CDAN1: variants seen among roughly 807,000 people sequenced by gnomAD.
CDAN1 encodes the protein codanin-1.
Under a neutral mutation model 139.8 loss-of-function variants are expected in CDAN1, and 107 were observed. The observed-to-expected ratio is 0.77, with a 90% CI of 0.65 to 0.90. CDAN1 has a LOEUF of 0.90. CDAN1 is among the 40% of genes least tolerant of loss of function. The pLI is 0.00. For synonymous variants in CDAN1, 776 were observed against 660.6 expected, an observed-to-expected ratio of 1.17 and a Z score of -2.68; for missense variants, 1,667 against 1,575.7, an observed-to-expected ratio of 1.06 and a Z score of -0.98.
rs756449578 is a variant in CDAN1, at chr15:42,728,239, C to A, written c.2833G>T (p.Val945Leu). 44 of 1,613,874 alleles carry A rather than the reference C, an allele frequency of 2.7e-5. No individual in the cohort carries two copies. The highest frequency in any genetic ancestry group is 3.5e-5 in the Non-Finnish European group (41 of 1,180,024). The change falls in exon 21 of 28, where the codon GTG becomes TTG. Residue 945 changes from valine to leucine, a missense_variant. Val to Leu is a conservative substitution (Grantham distance 32, BLOSUM62 1). This residue lies in a region of CDAN1 where 936 missense variants were observed against 844.1 expected (regional missense o/e 1.11). Coordinates refer to ENST00000356231, the MANE Select transcript of CDAN1 (RefSeq NM_138477.4). ...GTCTCCTCTGGAAGCAGCGCCCGCA[C>A]AGCCCCAGGGCTCTTCCTTTGACAG... Reference protein sequence around the residue: ...EFCQRKSPGAVRALLPEETPA... With the variant: ...EFCQRKSPGALRALLPEETPA...
At chr15:42,724,664 C>G (rs1363114938) in intron 27 of CDAN1, 48 bp from the exon 28 acceptor site, 1 of 1,547,632 alleles carries the variant, frequency 6.5e-7, no homozygotes. Flanking sequence ...TAATAATTCT[C>G]AATGGCTCAT....
intron 22 of CDAN1, 24 bp downstream of exon 22, chr15:42,727,931 C>G: frequency 6.2e-7 from 1 of 1,610,976 alleles, no homozygotes. Flanking sequence ...CTTGATTCAG[C>G]CACTCCCCCA....
chr15:42,733,818 T>TG, intron 8 of CDAN1, 120 bp downstream of exon 8: 1 of 756,060 alleles, frequency 1.3e-6, no homozygotes, highest in South Asian at 1.5e-5. Flanking sequence ...AGGAAGGACC[T>TG]GGGGGGACTA....
chr15:42,729,962 G>C lies in CDAN1; in HGVS notation c.2263-77C>G. The C allele has an allele frequency of 5.1e-6, 6 of 1,179,478 alleles. No homozygotes were observed. In the South Asian group the frequency reaches 7.7e-5, roughly 15 times the overall value. The allele number at this position is 1,179,478 out of a possible 1,614,324, so 73.1% of individuals were successfully genotyped here. On this transcript the variant is annotated intron_variant, in intron 15 of 27. Transcript: ENST00000356231. ...ACCCCACCTCCTGCACGGTCCCAGG[G>C]TGTAGGCGCCAGCTTCAAAGCAGCC... is the stretch of plus-strand genomic sequence containing the variant.
chr15:42,736,810 G>C (rs1165890872), intron 1 of CDAN1, 30 bp from the exon 2 acceptor site: 1 of 1,499,062 alleles, frequency 6.7e-7, no homozygotes, highest in South Asian at 1.3e-5. Flanking sequence ...GGAGGGGCGA[G>C]AGGGTCAGCC....
At chr15:42,724,708 A>ATAT (rs1462813252) in intron 27 of CDAN1, 92 bp from the exon 28 acceptor site, 1 of 1,479,838 alleles carries the variant, frequency 6.8e-7, no homozygotes, top group African/African-American at 1.4e-5. Context: ...CTGGCTGGCT[A>ATAT]TATTATTTTT....
At position 42,724,390 on chromosome 15, in the gene CDAN1, C is replaced by T; in HGVS notation, c.*101G>A. ...GGAAGTCTGACTGTAGACCCAGCTA[C>T]ACCCCAACCAGTGAGGGTCTGCATT... On this transcript the variant is annotated 3_prime_UTR_variant, in exon 28 of 28. Transcript: ENST00000356231. 1.4e-6 allele frequency: 2 copies of T among 1,476,176 alleles called. No homozygotes were observed. Among genetic ancestry groups the T allele is most frequent in the Non-Finnish European group, 9.2e-7 (1 of 1,090,424 alleles). 91.4% of individuals were successfully genotyped at this position (1,476,176 alleles called of 1,614,324 possible). A position where few individuals can be genotyped will look rare whatever the true frequency, so the allele number is the denominator to read the frequency against.
Position 42,732,324 on chromosome 15 carries a change from G to C in CDAN1, c.1533+9C>G. 1 of 1,613,388 alleles carries C rather than the reference G, an allele frequency of 6.2e-7. No individual in the cohort carries two copies. The highest frequency in any genetic ancestry group is 8.5e-7 in the Non-Finnish European group (1 of 1,179,340). On this transcript the variant is annotated intron_variant, in intron 10 of 27. Coordinates refer to ENST00000356231, the MANE Select transcript of CDAN1 (RefSeq NM_138477.4). ...TTAATGTGGATTAATCTCTTGCTGG[G>C]GCTGTTACCTGGAGTAGTTGTTTTT... is the stretch of plus-strand genomic sequence containing the variant.
chr15:42,737,060 CCGACACCTCTTCTCGCAGCAG>C lies in CDAN1; in HGVS notation c.22_42del (p.Leu8_Ser14del). 1 of 1,544,512 alleles carries C rather than the reference CCGACACCTCTTCTCGCAGCAG, an allele frequency of 6.5e-7. No individual in the cohort carries two copies. The highest frequency in any genetic ancestry group is 8.7e-7 in the Non-Finnish European group (1 of 1,144,474). On this transcript the variant is annotated inframe_deletion, in exon 1 of 28. Coordinates refer to ENST00000356231, the MANE Select transcript of CDAN1 (RefSeq NM_138477.4). ...GCGATCCACCGCACGACGGCTGCGACCGACACCTCTTCTCGCAGCAGCGACTCCAAAACGGCCGCCATCCCG... is the reference window on the plus strand; with the variant it reads ...GCGATCCACCGCACGACGGCTGCGACCGACTCCAAAACGGCCGCCATCCCG...
intron 8 of CDAN1, among the ~76,000 whole-genome samples, chr15:42,733,643 C>T (rs1403484211): frequency 6.6e-6 from 1 of 152,226 alleles, no homozygotes; most frequent in African/African-American, 2.4e-5. Context: ...ACCAGCAGCA[C>T]ATTACAGGCT....
intron 15 of CDAN1, 68 bp from the exon 16 acceptor site, chr15:42,729,953 G>A (rs1347621197): frequency 5.9e-5 from 51 of 866,046 alleles, no homozygotes; most frequent in Middle Eastern, 4.3e-4. Flanking sequence ...CCTCCTGCAC[G>A]GTCCCAGGGT....
At position 42,724,304 on chromosome 15, in the gene CDAN1, C is replaced by A; in HGVS notation, c.*187G>T. 1.4e-6 allele frequency: 1 copy of A among 727,686 alleles called. No homozygotes were observed. The allele number at this position is 727,686 out of a possible 1,614,324, so 45.1% of individuals were successfully genotyped here. On this transcript the variant is annotated 3_prime_UTR_variant, in exon 28 of 28. Coordinates refer to ENST00000356231, the MANE Select transcript of CDAN1 (RefSeq NM_138477.4). ...TTTTCTGCCATAATCCCAAATCAGG[C>A]CAACTCTCCTTCCTCTAGGATTCGC...
Position 42,729,579 on chromosome 15 carries a change from C to T in CDAN1, c.2396G>A (p.Cys799Tyr). ...AGACCGGTGCTCACCGATGTAGGGG[C>T]AGCAGGTGTAGAGCAGCTGCTGGTC... ...VVDQQLLYTC[C>Y]PYIGELRKLL... Residue 799 changes from cysteine (C) to tyrosine (Y), a missense_variant, in exon 17 of 28, where the codon TGC becomes TAC. Around this residue, in one of 3 missense-constraint regions of CDAN1, gnomAD observed 936 missense variants for 844.1 expected, o/e 1.11. Coordinates refer to ENST00000356231, the MANE Select transcript of CDAN1 (RefSeq NM_138477.4). 6.2e-7 allele frequency: 1 copy of T among 1,614,166 alleles called. No individual in the cohort carries two copies. The highest frequency in any genetic ancestry group is 1.1e-5 in the South Asian group (1 of 91,076).
At chr15:42,728,376 G>A in intron 20 of CDAN1, 109 bp from the exon 21 acceptor site, 2 of 1,306,870 alleles carry the variant, frequency 1.5e-6, no homozygotes, top group Non-Finnish European at 2.2e-6. Flanking sequence ...TACCTTGGAA[G>A]GAGGCACCGT....
rs34650750 is a variant in CDAN1, at chr15:42,733,278, C to CT, written c.1368-93dup. ...GAACTATCCGTAGCCCACCCACCAC[C>CT]TTTTTTTTTTTTGGAGATGGAGTCT... On this transcript the variant is annotated intron_variant, in intron 8 of 27. Coordinates refer to ENST00000356231, the MANE Select transcript of CDAN1 (RefSeq NM_138477.4). 143,677 of 791,530 alleles carry CT rather than the reference C, an allele frequency of 0.18. 2,078 individuals carry two copies. Among genetic ancestry groups the CT allele is most frequent in the South Asian group, 0.23 (14,422 of 62,010 alleles). 49.0% of individuals were successfully genotyped at this position (791,530 alleles called of 1,614,324 possible).
chr15:42,728,328 A>G (rs2140472278), intron 20 of CDAN1, 61 bp from the exon 21 acceptor site: 1 of 1,561,494 alleles, frequency 6.4e-7, no homozygotes, highest in Non-Finnish European at 8.8e-7. Flanking sequence ...GCAGAAGTAA[A>G]TGCCCCGAGT....
intron 10 of CDAN1, 39 bp from the exon 11 acceptor site, chr15:42,731,864 G>GC (rs1473777620): frequency 1.3e-6 from 2 of 1,591,214 alleles, no homozygotes; most frequent in Non-Finnish European, 1.7e-6. Context: ...AAAAAAATCA[G>GC]CAAGTGGGAG....
At position 42,728,680 on chromosome 15, in the gene CDAN1, C is replaced by G. The variant is rs200401359; in HGVS notation, c.2776G>C (p.Gly926Arg). Residue 926 changes from glycine (G) to arginine (R), a missense_variant, in exon 20 of 28, where the codon GGG becomes CGG. Physicochemically the swap from Gly to Arg is moderately radical, Grantham distance 125. Around this residue, in one of 3 missense-constraint regions of CDAN1, gnomAD observed 936 missense variants for 844.1 expected, o/e 1.11. Transcript: ENST00000356231. ...CGCCCCAGGGCCAATGCCTGGGCCC[C>G]GTGAGGGCACAGCTGGGAACACAAG... Reference protein sequence around the residue: ...EILCSQLCPHGAQALALGREF... With the variant: ...EILCSQLCPHRAQALALGREF... 1 of 1,614,056 alleles carries G rather than the reference C, an allele frequency of 6.2e-7. No individual in the cohort carries two copies. The highest frequency in any genetic ancestry group is 8.5e-7 in the Non-Finnish European group (1 of 1,180,046).
intron 6 of CDAN1, 146 bp downstream of exon 6, chr15:42,734,954 T>G: frequency 1.4e-6 from 1 of 716,232 alleles, no homozygotes; most frequent in South Asian, 1.5e-5. Context: ...ATTCATAGCC[T>G]TAACACAAAA....
Sources: gnomAD v4.1 joint callset for allele counts (sites outside exome capture counted in the v4.1 genomes callset) on GRCh38, gnomAD v4.1.1 for gene constraint, gnomAD v4.1.1 regional missense constraint, MANE v1.5 for transcripts, NCBI Gene and HGNC (gene_info 2026-07-23, HGNC 2026-07-21) for gene names.